Variants in TFAP2A observed in about 807,000 individuals in gnomAD.
TFAP2A encodes transcription factor AP-2-alpha.
In TFAP2A, 7 loss-of-function variants were observed where a neutral mutation model predicts 41.5. The ratio of observed to expected loss-of-function variants is 0.17; its 90% CI spans 0.10 to 0.32. TFAP2A has a LOEUF of 0.32. Ranked by LOEUF, TFAP2A falls within the 10% of genes least tolerant of loss-of-function variation. The pLI is 1.00. For synonymous variants in TFAP2A, 247 were observed against 242.8 expected, an observed-to-expected ratio of 1.02 and a Z score of -0.16; for missense variants, 416 against 563.3, an observed-to-expected ratio of 0.74 and a Z score of 2.65.
chr6:10,410,413 A>C, intron 1 of TFAP2A, 78 bp from the exon 2 acceptor site: 2 of 1,443,458 alleles, frequency 1.4e-6, no homozygotes, highest in Non-Finnish European at 1.9e-6. Flanking sequence ...AATCCACTTG[A>C]CAAGTCTGCG....
intron 1 of TFAP2A, chr6:10,412,058 A>G (rs985806099): frequency 1.0e-6 from 1 of 1,003,784 alleles, no homozygotes; most frequent in Non-Finnish European, 1.2e-6. Context: ...TTACACGAAT[A>G]CTTAATAAGG....
intron 4 of TFAP2A, among the ~76,000 whole-genome samples, chr6:10,403,299 T>A (rs1238119226): frequency 2.6e-5 from 4 of 152,206 alleles, no homozygotes; most frequent in Non-Finnish European, 5.9e-5. Context: ...CCTACTCAAG[T>A]GCTCTTTAAT....
At chr6:10,401,603 G>A (rs566942937) in intron 5 of TFAP2A, among the ~76,000 whole-genome samples, 7 of 152,302 alleles carry the variant, frequency 4.6e-5, no homozygotes, top group African/African-American at 1.4e-4. Context: ...AGATGTGAAT[G>A]AAATAAAATG....
Position 10,410,078 on chromosome 6 carries a change from C to T in TFAP2A, c.309G>A (p.Gln103=), listed in dbSNP as rs1222500719. Reference sequence around the variant, plus strand: ...TGTGCAGGAGCCCAGACTCCTGGCTCTGCCTCTGGCCGGGCCAGCCTGGGT... The same window carrying T: ...TGTGCAGGAGCCCAGACTCCTGGCTTTGCCTCTGGCCGGGCCAGCCTGGGT... ...PQHPGWPGQR[Q]SQESGLLHTH... The change falls in exon 2 of 7, where the codon CAG becomes CAA. Residue 103 remains glutamine, a synonymous_variant. Transcript: ENST00000379613. 6.2e-7 allele frequency: 1 copy of T among 1,613,012 alleles called. No individual in the cohort carries two copies. Among genetic ancestry groups the T allele is most frequent in the Admixed American group, 1.7e-5 (1 of 60,002 alleles).
chr6:10,414,702 A>G, intron 1 of TFAP2A: 2 of 643,726 alleles, frequency 3.1e-6, no homozygotes, highest in Non-Finnish European at 5.5e-6. Context: ...ATTGGTCAGA[A>G]AGGGGAGTAA....
At chr6:10,404,961 C>T in intron 3 of TFAP2A, 1 of 596,130 alleles carries the variant, frequency 1.7e-6, no homozygotes, top group South Asian at 2.0e-5. Context: ...CTGCCCTCCC[C>T]CAGCCAGCCT....
At chr6:10,399,647 A>C (rs1346006651) in intron 6 of TFAP2A, among the ~76,000 whole-genome samples, 1 of 152,250 alleles carries the variant, frequency 6.6e-6, no homozygotes. Context: ...CCAGGCCAGA[A>C]ACAGGGTCCC....
chr6:10,415,271 C>T, upstream of TFAP2A: 2 of 1,415,666 alleles, frequency 1.4e-6, no homozygotes, highest in South Asian at 1.5e-5. Flanking sequence ...ATGGTAGAAA[C>T]TTTTCCCTTT....
chr6:10,408,711 C>T (rs1242644662), intron 2 of TFAP2A, among the ~76,000 whole-genome samples: 3 of 152,204 alleles, frequency 2.0e-5, no homozygotes, highest in Admixed American at 1.3e-4. Context: ...GGCTGCTAAA[C>T]ATAACCAACA....
At chr6:10,405,053 G>C (rs1757646584) in intron 3 of TFAP2A, 1 of 440,518 alleles carries the variant, frequency 2.3e-6, no homozygotes, top group African/African-American at 2.0e-5. Context: ...GGTGACCCCT[G>C]AGGCGCTGAG....
rs188674648 is a variant in TFAP2A, at chr6:10,398,290, G to A, written c.*127C>T. Reference sequence around the variant, plus strand: ...GGGACCCAAGGGCAGCGGCGGCGGCGGCGGCGGCAGCAGCAGCAGCAGTAG... The same window carrying A: ...GGGACCCAAGGGCAGCGGCGGCGGCAGCGGCGGCAGCAGCAGCAGCAGTAG... On this transcript the variant is annotated 3_prime_UTR_variant, in exon 7 of 7. Coordinates refer to ENST00000379613, the MANE Select transcript of TFAP2A (RefSeq NM_001372066.1). The surrounding 1 kb of genome is among the most constrained non-coding windows in gnomAD (Gnocchi z 5.3). 3 of 1,586,004 alleles carry A rather than the reference G, an allele frequency of 1.9e-6. No individual in the cohort carries two copies. The highest frequency in any genetic ancestry group is 2.6e-6 in the Non-Finnish European group (3 of 1,169,794).
At position 10,398,034 on chromosome 6, in the gene TFAP2A, T is replaced by G; in HGVS notation, c.*383A>C. 9.3e-7 allele frequency: 1 copy of G among 1,073,836 alleles called. No individual in the cohort carries two copies. Among genetic ancestry groups the G allele is most frequent in the East Asian group, 7.3e-5 (1 of 13,726 alleles). The allele number at this position is 1,073,836 out of a possible 1,614,324, so 66.5% of individuals were successfully genotyped here. On this transcript the variant is annotated 3_prime_UTR_variant, in exon 7 of 7. Transcript: ENST00000379613. This position sits in a 1 kb window ranked among gnomAD's most constrained non-coding sequence, Gnocchi z 5.3. ...TTTTCACTTTTTTTTTAGAAAAAAG[T>G]TTTTAATTTTTGTTGTTGTTGTTGC...
chr6:10,404,276 G>C (rs1034750265), intron 4 of TFAP2A, among the ~76,000 whole-genome samples: 1 of 152,236 alleles, frequency 6.6e-6, no homozygotes, highest in African/African-American at 2.4e-5. Context: ...GCGCGCACCA[G>C]AACTCGCTCG....
chr6:10,410,131 G>T lies in TFAP2A; in HGVS notation c.256C>A (p.Pro86Thr). 6.2e-7 allele frequency: 1 copy of T among 1,612,446 alleles called. No homozygotes were observed. The highest frequency in any genetic ancestry group is 8.5e-7 in the Non-Finnish European group (1 of 1,179,794). Residue 86 changes from proline (P) to threonine (T), a missense_variant, in exon 2 of 7, where the codon CCC becomes ACC. By Grantham distance (38) the Pro-to-Thr change is conservative. Transcript: ENST00000379613. ...SHVNDPYSLN[P>T]LHAQPQPQHP... ...TGCGGCTGCGGCTGGGCGTGCAGGG[G>T]GTTCAGGCTGTAGGGGTCGTTGACG...
intron 6 of TFAP2A, among the ~76,000 whole-genome samples, chr6:10,399,407 A>G (rs1040266866): frequency 6.6e-6 from 1 of 152,236 alleles, no homozygotes; most frequent in African/African-American, 2.4e-5. Context: ...AAATAAAAAT[A>G]CTGCAGGGAA....
At chr6:10,414,722 C>G in intron 1 of TFAP2A, 2 of 685,870 alleles carry the variant, frequency 2.9e-6, no homozygotes, top group East Asian at 2.7e-5. Context: ...AAGTGGGACA[C>G]GAGCTTCAAA....
upstream of TFAP2A, among the ~76,000 whole-genome samples, chr6:10,417,400 G>T (rs1017428551): frequency 5.3e-5 from 8 of 152,352 alleles, no homozygotes; most frequent in Admixed American, 3.3e-4. Flanking sequence ...GCCGCCCCCG[G>T]TGTAGGCGCT....
chr6:10,403,543 G>A (rs1229970338), intron 4 of TFAP2A, among the ~76,000 whole-genome samples: 1 of 152,170 alleles, frequency 6.6e-6, no homozygotes, highest in African/African-American at 2.4e-5. Flanking sequence ...GGAACTGTGG[G>A]TCTATCAACA....
At chr6:10,409,777 A>C in intron 2 of TFAP2A, 124 bp downstream of exon 2, 1 of 1,228,178 alleles carries the variant, frequency 8.1e-7, no homozygotes, top group Non-Finnish European at 1.1e-6. Flanking sequence ...CTCCGAATAA[A>C]ATGTTTTTAT....
Sources: allele counts gnomAD v4.1 joint callset (sites outside exome capture counted in the v4.1 genomes callset), GRCh38; gene constraint gnomAD v4.1.1; non-coding constraint Gnocchi (gnomAD v3.1); transcripts MANE v1.5; gene names NCBI Gene and HGNC (gene_info 2026-07-23, HGNC 2026-07-21).